SLC35D4: variants seen among roughly 807,000 people sequenced by gnomAD.
SLC35D4 encodes the protein UDP-N-acetylglucosamine transporter SLC35D4.
the SLC35D4 span, among the ~76,000 whole-genome samples, chr18:23,255,734 T>C: frequency 5.3e-5 from 8 of 151,902 alleles, no homozygotes; most frequent in Non-Finnish European, 1.0e-4. Flanking sequence ...TAATTTTTTT[T>C]ATTTTTTATA....
At chr18:23,384,759 A>G in the SLC35D4 span, among the ~76,000 whole-genome samples, 1 of 152,246 alleles carries the variant, frequency 6.6e-6, no homozygotes. Flanking sequence ...GGTCTGGGTC[A>G]GCCTGGCCTG....
At chr18:23,361,799 C>T in the SLC35D4 span, among the ~76,000 whole-genome samples, 1 of 152,172 alleles carries the variant, frequency 6.6e-6, no homozygotes, top group African/African-American at 2.4e-5. Flanking sequence ...GCAAGTATCC[C>T]TTCCGGCATA....
At chr18:23,410,268 C>T in the SLC35D4 span, among the ~76,000 whole-genome samples, 1 of 150,938 alleles carries the variant, frequency 6.6e-6, no homozygotes, top group Non-Finnish European at 1.5e-5. Flanking sequence ...ATCACGAGGT[C>T]AGATCGAGAC....
At chr18:23,416,108 A>G in the SLC35D4 span, among the ~76,000 whole-genome samples, 1 of 152,168 alleles carries the variant, frequency 6.6e-6, no homozygotes. Flanking sequence ...CTACTCAGGA[A>G]GCTAAGGCAG....
At chr18:23,248,037 G>C in the SLC35D4 span, among the ~76,000 whole-genome samples, 1 of 152,204 alleles carries the variant, frequency 6.6e-6, no homozygotes, top group Non-Finnish European at 1.5e-5. Context: ...CTAGGACAAG[G>C]CTGCTTGTAA....
At chr18:23,265,351 A>C in the SLC35D4 span, among the ~76,000 whole-genome samples, 1 of 152,014 alleles carries the variant, frequency 6.6e-6, no homozygotes, top group Non-Finnish European at 1.5e-5. Context: ...AAACTCACTC[A>C]ATTTCTCCCA....
chr18:23,256,407 G>A, the SLC35D4 span, among the ~76,000 whole-genome samples: 1 of 152,220 alleles, frequency 6.6e-6, no homozygotes, highest in Admixed American at 6.5e-5. Flanking sequence ...TGAAAGGACT[G>A]AACTACATAG....
At chr18:23,335,734 C>T in the SLC35D4 span, among the ~76,000 whole-genome samples, 1 of 152,148 alleles carries the variant, frequency 6.6e-6, no homozygotes, top group Admixed American at 6.5e-5. Flanking sequence ...ATTTATTGGA[C>T]ACCATACTAC....
chr18:23,371,926 G>GTTTTTTTTTTTTTTTTT, the SLC35D4 span, among the ~76,000 whole-genome samples: 9 of 11,864 alleles, frequency 7.6e-4, 1 homozygote, highest in African/African-American at 2.1e-3. Context: ...TTTCTTCCTT[G>GTTTTTTTTTTTTTTTTT]TTTTTTTTGT....
chr18:23,288,561 C>G, the SLC35D4 span, among the ~76,000 whole-genome samples: 1,370 of 150,882 alleles, frequency 9.1e-3, 13 homozygotes, highest in Non-Finnish European at 0.015. Flanking sequence ...TGCCCCCCCG[C>G]CCCAGGACTG....
chr18:23,419,462 G>T, the SLC35D4 span, among the ~76,000 whole-genome samples: 2 of 151,880 alleles, frequency 1.3e-5, no homozygotes, highest in Admixed American at 1.3e-4. Flanking sequence ...CCAGCTAATT[G>T]TGTATTTTTA....
At chr18:23,335,602 A>T in the SLC35D4 span, among the ~76,000 whole-genome samples, 1 of 152,260 alleles carries the variant, frequency 6.6e-6, no homozygotes, top group South Asian at 2.1e-4. Flanking sequence ...TATCACAGGA[A>T]AATGGGGCAA....
the SLC35D4 span, among the ~76,000 whole-genome samples, chr18:23,385,356 C>T: frequency 6.6e-6 from 1 of 152,238 alleles, no homozygotes; most frequent in Non-Finnish European, 1.5e-5. Context: ...ACAAGGTAAA[C>T]ATGCCCCCTC....
the SLC35D4 span, among the ~76,000 whole-genome samples, chr18:23,394,115 G>A: frequency 6.6e-6 from 1 of 152,180 alleles, no homozygotes; most frequent in South Asian, 2.1e-4. Flanking sequence ...TACTTTTGAT[G>A]TTTTGAAGAA....
the SLC35D4 span, among the ~76,000 whole-genome samples, chr18:23,244,176 C>G: frequency 2.6e-5 from 4 of 152,296 alleles, no homozygotes; most frequent in Middle Eastern, 3.4e-3. Flanking sequence ...ATCTCAGGGC[C>G]AGTCACCTGG....
chr18:23,347,435 C>T, the SLC35D4 span, among the ~76,000 whole-genome samples: 1 of 152,042 alleles, frequency 6.6e-6, no homozygotes, highest in Non-Finnish European at 1.5e-5. Flanking sequence ...CTATCTCTCT[C>T]TCTCTCTGAG....
At chr18:23,285,393 G>A in the SLC35D4 span, among the ~76,000 whole-genome samples, 12 of 152,064 alleles carry the variant, frequency 7.9e-5, no homozygotes, top group Non-Finnish European at 1.3e-4. Flanking sequence ...AAATCTAAGC[G>A]TCTTATTTTC....
the SLC35D4 span, chr18:23,257,353 G>A: frequency 3.1e-6 from 5 of 1,608,926 alleles, no homozygotes; most frequent in African/African-American, 2.7e-5. Context: ...CAGACGGCTG[G>A]TCCAGAGTTC....
chr18:23,273,074 G>A, the SLC35D4 span, among the ~76,000 whole-genome samples: 2 of 152,194 alleles, frequency 1.3e-5, no homozygotes, highest in Admixed American at 6.5e-5. Flanking sequence ...TGCTAATGAC[G>A]GGAGGAGAGC....
Sources: gnomAD v4.1 joint callset for allele counts (sites outside exome capture counted in the v4.1 genomes callset) on GRCh38, gnomAD v4.1.1 for gene constraint, MANE v1.5 for transcripts, NCBI Gene and HGNC (gene_info 2026-07-23, HGNC 2026-07-21) for gene names.